HMBOX1: variants seen among roughly 807,000 people sequenced by gnomAD.
HMBOX1 encodes the protein homeobox-containing protein 1.
Under a neutral mutation model 54.5 loss-of-function variants are expected in HMBOX1, and 14 were observed. The observed-to-expected ratio is 0.26, with a 90% CI of 0.17 to 0.40. HMBOX1 has a LOEUF of 0.40. Among genes scored for constraint, HMBOX1 ranks in the 10% least tolerant of loss-of-function variants. HMBOX1 has a pLI of 1.00. For missense variants in HMBOX1, 332 were observed against 514.4 expected, an observed-to-expected ratio of 0.65 and a Z score of 3.43; for synonymous variants, 160 against 181.0, an observed-to-expected ratio of 0.88 and a Z score of 0.93.
intron 1 of HMBOX1, chr8:28,915,667 C>T (rs946154981): frequency 5.9e-5 from 9 of 151,286 alleles, no homozygotes; most frequent in African/African-American, 2.2e-4. Flanking sequence ...GTGTTTCTAA[C>T]TTGGGCTGGA....
At position 29,051,326 on chromosome 8, in the gene HMBOX1, T is replaced by C; in HGVS notation, c.*171T>C. The C allele has an allele frequency of 1.5e-6, 1 of 682,190 alleles. No homozygotes were observed. Among genetic ancestry groups the C allele is most frequent in the Non-Finnish European group, 2.5e-6 (1 of 401,216 alleles). The allele number at this position is 682,190 out of a possible 1,614,324, so 42.3% of individuals were successfully genotyped here. On this transcript the variant is annotated 3_prime_UTR_variant, in exon 10 of 10. Transcript: ENST00000287701. Reference sequence around the variant, plus strand: ...GCATGGTGCCCTCAGCCTTTGCATATACTCTCTCAGTATTAACTCCCAGTA... The same window carrying C: ...GCATGGTGCCCTCAGCCTTTGCATACACTCTCTCAGTATTAACTCCCAGTA...
chr8:29,050,879 A>G lies in HMBOX1; in HGVS notation c.1126-139A>G, dbSNP rs148734471. ...TCCATTCAGTGTCTACTTAAATACA[A>G]TTTACCTCTATTTTATCATGAGCCC... On this transcript the variant is annotated intron_variant, in intron 9 of 9. Transcript: ENST00000287701. 8.4e-4 allele frequency: 582 copies of G among 695,336 alleles called. 2 individuals are homozygous for G. The African/African-American group carries it at 8.6e-3, about 10-fold the overall frequency. 43.1% of individuals were successfully genotyped at this position (695,336 alleles called of 1,614,324 possible).
intron 6 of HMBOX1, among the ~76,000 whole-genome samples, chr8:29,024,566 TAAA>T: frequency 6.6e-6 from 1 of 152,126 alleles, no homozygotes; most frequent in Non-Finnish European, 1.5e-5. Context: ...AAATGTAAAA[TAAA>T]ATGTAAAATA....
chr8:28,930,646 T>C (rs761713953), intron 1 of HMBOX1, among the ~76,000 whole-genome samples: 2 of 152,244 alleles, frequency 1.3e-5, no homozygotes, highest in Non-Finnish European at 2.9e-5. Flanking sequence ...TCCTTAAGCA[T>C]ACTTTGTGTT....
At chr8:29,018,970 T>A in intron 6 of HMBOX1, 57 bp downstream of exon 6, 3 of 1,515,700 alleles carry the variant, frequency 2.0e-6, no homozygotes, top group Non-Finnish European at 2.7e-6. Context: ...ACATCAACTC[T>A]GGATAGACTG....
Position 29,051,636 on chromosome 8 carries a change from A to C in HMBOX1, c.*481A>C, listed in dbSNP as rs1396676638. On this transcript the variant is annotated 3_prime_UTR_variant, in exon 10 of 10. Transcript: ENST00000287701. ...ATCCACAGAGTCAAAGGAACACTAG[A>C]ATCCCCACCTCAGCGTGAGGATAAT... 1.4e-6 allele frequency: 1 copy of C among 702,644 alleles called. No homozygotes were observed. Among genetic ancestry groups the C allele is most frequent in the African/African-American group, 1.7e-5 (1 of 57,204 alleles). 43.5% of individuals were successfully genotyped at this position (702,644 alleles called of 1,614,324 possible).
chr8:29,027,271 C>A (rs776963424), intron 6 of HMBOX1, among the ~76,000 whole-genome samples: 3 of 152,158 alleles, frequency 2.0e-5, no homozygotes, highest in Non-Finnish European at 2.9e-5. Flanking sequence ...TTTGTTCATT[C>A]ATTCAATGAA....
At chr8:29,032,117 C>T (rs1307445116) in intron 6 of HMBOX1, among the ~76,000 whole-genome samples, 3 of 152,298 alleles carry the variant, frequency 2.0e-5, no homozygotes, top group Non-Finnish European at 2.9e-5. Flanking sequence ...ATTTGTCTTT[C>T]GCAAAGCATC....
At chr8:28,989,504 T>A (rs937545095) in intron 4 of HMBOX1, among the ~76,000 whole-genome samples, 1 of 152,214 alleles carries the variant, frequency 6.6e-6, no homozygotes, top group African/African-American at 2.4e-5. Flanking sequence ...TTGTTATCTT[T>A]GTGGAAACTC....
chr8:28,955,465 CT>C (rs1824252195), intron 1 of HMBOX1, among the ~76,000 whole-genome samples: 1 of 152,054 alleles, frequency 6.6e-6, no homozygotes, highest in South Asian at 2.1e-4. Context: ...TTGTAGTTTT[CT>C]TTTTTAAATC....
intron 1 of HMBOX1, among the ~76,000 whole-genome samples, chr8:28,932,804 A>C (rs1013459589): frequency 1.3e-5 from 2 of 152,174 alleles, no homozygotes; most frequent in South Asian, 4.1e-4. Context: ...GCTAGGCTAG[A>C]AGGTGCAAAA....
chr8:28,895,429 C>T (rs1811914485), intron 1 of HMBOX1, among the ~76,000 whole-genome samples: 1 of 152,174 alleles, frequency 6.6e-6, no homozygotes, highest in Non-Finnish European at 1.5e-5. Flanking sequence ...CATCCCAACA[C>T]TTTGGGAGGC....
At chr8:28,957,580 C>G (rs1824704383) in intron 1 of HMBOX1, among the ~76,000 whole-genome samples, 1 of 107,440 alleles carries the variant, frequency 9.3e-6, no homozygotes, top group Admixed American at 9.4e-5. Context: ...AAAAACAAAG[C>G]CTTTCTGCTC....
intron 6 of HMBOX1, among the ~76,000 whole-genome samples, chr8:29,036,754 G>C (rs1803942075): frequency 1.3e-5 from 2 of 152,158 alleles, no homozygotes. Context: ...AGTAGTGGCT[G>C]TTCCTGAGCC....
In HMBOX1 at chr8:29,025,897, T is replaced by C. The variant is rs189464685; in HGVS notation, c.851+6984T>C. The stretch of plus-strand genomic sequence containing the variant: ...CTTTCTGGTTTATTTTTTCCCACTC[T>C]CCTGTAAGATTATTTCACACTTTCT... On this transcript the variant is annotated intron_variant, in intron 6 of 9. Transcript: ENST00000287701. Among the ~76,000 whole-genome samples the C allele has an allele frequency of 3.1e-3, 468 of 152,202 alleles. 1 individual carries two copies. Among genetic ancestry groups the C allele is most frequent in the African/African-American group, 0.011 (444 of 41,538 alleles).
rs926465572 is a variant in HMBOX1, at chr8:29,014,703, G to A, written c.698-4057G>A. 3.9e-5 allele frequency among the ~76,000 whole-genome samples: 6 copies of A among 152,044 alleles called. No individual in the cohort carries two copies. The East Asian group carries it at 7.7e-4, about 20-fold the overall frequency. ...TCTTTTTTTTCCCCCACCCCGAGAT[G>A]GAGTATCACTCTGTCGCCCAGGCTG... On this transcript the variant is annotated intron_variant, in intron 5 of 9. Coordinates refer to ENST00000287701, the MANE Select transcript of HMBOX1 (RefSeq NM_001135726.3).
At chr8:28,978,738 G>T (rs1297970856) in intron 3 of HMBOX1, among the ~76,000 whole-genome samples, 3 of 128,620 alleles carry the variant, frequency 2.3e-5, no homozygotes, top group Admixed American at 1.0e-4. Context: ...AGTGAGCCGA[G>T]ATTGCGCCAC....
intron 1 of HMBOX1, among the ~76,000 whole-genome samples, chr8:28,917,752 GATATT>G (rs1343653759): frequency 3.9e-5 from 6 of 152,102 alleles, no homozygotes; most frequent in African/African-American, 1.4e-4. Flanking sequence ...TCATGAATAA[GATATT>G]ATATTAACTT....
intron 1 of HMBOX1, among the ~76,000 whole-genome samples, chr8:28,904,178 A>T (rs61045751): frequency 2.0e-5 from 3 of 151,882 alleles, no homozygotes; most frequent in Non-Finnish European, 4.4e-5. Context: ...TTTTTTTTTT[A>T]AATGGAGGAA....
Sources: gnomAD v4.1 joint callset for allele counts (sites outside exome capture counted in the v4.1 genomes callset) on GRCh38, gnomAD v4.1.1 for gene constraint, MANE v1.5 for transcripts, NCBI Gene and HGNC (gene_info 2026-07-23, HGNC 2026-07-21) for gene names.